Variants in MPZL2 observed in about 807,000 individuals in gnomAD.
The protein encoded by MPZL2 is myelin protein zero-like protein 2.
Under a neutral mutation model 24.5 loss-of-function variants are expected in MPZL2, and 32 were observed. The ratio of observed to expected loss-of-function variants is 1.31; its 90% CI spans 0.99 to 1.76. MPZL2 has a LOEUF of 1.76. Among genes scored for constraint, MPZL2 ranks in the 40% most tolerant of loss-of-function variants. MPZL2 has a pLI of 0.00. For synonymous variants in MPZL2, 92 were observed against 97.9 expected (o/e 0.94, Z 0.36); for missense variants, 304 against 274.9 (o/e 1.11, Z -0.75).
Position 118,263,103 on chromosome 11 carries a change from A to G in MPZL2, c.59-6T>C, listed in dbSNP as rs368490567. The G allele has an allele frequency of 5.0e-6, 8 of 1,611,186 alleles. No homozygotes were observed. The African/African-American group carries it at 9.4e-5, about 19-fold the overall frequency. The stretch of plus-strand genomic sequence containing the variant: ...AGCTGCTATAGGCCAAAGAGCTGCA[A>G]TGAAAAAGAAGAAAAAGAAGGGTTA... On this transcript the variant is annotated splice_polypyrimidine_tract_variant and splice_region_variant and intron_variant, in intron 1 of 5. Coordinates refer to ENST00000278937, the MANE Select transcript of MPZL2 (RefSeq NM_005797.4).
At position 118,260,209 on chromosome 11, in the gene MPZL2, G is replaced by A. The variant is rs1949690949; in HGVS notation, c.437-8C>T. 6.2e-7 allele frequency: 1 copy of A among 1,608,442 alleles called. No individual in the cohort carries two copies. The highest frequency in any genetic ancestry group is 1.3e-5 in the African/African-American group (1 of 74,492). ...GGATCTCAGAGAAGCGTACTGTAAG[G>A]AGAAAAAGATTAAATTAGGATTCTA... On this transcript the variant is annotated splice_region_variant and splice_polypyrimidine_tract_variant and intron_variant, in intron 3 of 5. Coordinates refer to ENST00000278937, the MANE Select transcript of MPZL2 (RefSeq NM_005797.4).
At chr11:118,258,008 C>T (rs1591504217) in intron 4 of MPZL2, among the ~76,000 whole-genome samples, 1 of 144,852 alleles carries the variant, frequency 6.9e-6, no homozygotes, top group African/African-American at 2.7e-5. Flanking sequence ...GAAAGTCTGT[C>T]TCAAAAAAAA....
intron 5 of MPZL2, among the ~76,000 whole-genome samples, chr11:118,255,852 T>A (rs531281456): frequency 6.6e-6 from 1 of 152,170 alleles, no homozygotes; most frequent in Non-Finnish European, 1.5e-5. Flanking sequence ...ACTTTCCCAA[T>A]TGCCCCTCCA....
chr11:118,258,132 C>G (rs374785943), intron 4 of MPZL2, among the ~76,000 whole-genome samples: 2 of 151,742 alleles, frequency 1.3e-5, no homozygotes, highest in African/African-American at 2.4e-5. Flanking sequence ...CAGCCATATA[C>G]GAAAACGAAC....
chr11:118,259,067 A>G (rs1949681413), intron 4 of MPZL2, among the ~76,000 whole-genome samples: 1 of 152,036 alleles, frequency 6.6e-6, no homozygotes, highest in South Asian at 2.1e-4. Context: ...CAGAACCCTC[A>G]TATATTGCTG....
chr11:118,261,256 A>C (rs1032539621), intron 3 of MPZL2, among the ~76,000 whole-genome samples: 5 of 152,222 alleles, frequency 3.3e-5, no homozygotes, highest in Non-Finnish European at 7.3e-5. Context: ...AAATGGTTTT[A>C]AACTGTACTA....
intron 4 of MPZL2, 106 bp downstream of exon 4, chr11:118,259,948 T>C: frequency 7.6e-7 from 1 of 1,315,046 alleles, no homozygotes; most frequent in Non-Finnish European, 1.0e-6. Flanking sequence ...TTATATAGGA[T>C]TTACTTAAAG....
intron 4 of MPZL2, 189 bp downstream of exon 4, chr11:118,259,865 T>G (rs1949687446): frequency 1.7e-6 from 1 of 594,164 alleles, no homozygotes; most frequent in Admixed American, 3.3e-5. Context: ...GGAAATATTT[T>G]GTAAAATTAA....
intron 4 of MPZL2, among the ~76,000 whole-genome samples, chr11:118,259,002 C>T (rs546057568): frequency 1.2e-3 from 100 of 85,752 alleles, no homozygotes; most frequent in African/African-American, 4.9e-3. Flanking sequence ...GCCTAATACA[C>T]GGTTATGATT....
intron 4 of MPZL2, among the ~76,000 whole-genome samples, chr11:118,258,748 AC>A (rs746639723): frequency 1.2e-4 from 18 of 152,138 alleles, no homozygotes; most frequent in Non-Finnish European, 2.4e-4. Context: ...GTGAGTTCTC[AC>A]AAAATCTGGT....
chr11:118,259,260 A>T (rs949719969), intron 4 of MPZL2: 2 of 152,188 alleles, frequency 1.3e-5, no homozygotes, highest in Non-Finnish European at 2.9e-5. Flanking sequence ...AAGCAGAAAA[A>T]ACCTAAATGC....
chr11:118,264,018 A>G, intron 1 of MPZL2, 78 bp downstream of exon 1: 1 of 1,465,146 alleles, frequency 6.8e-7, no homozygotes, highest in Non-Finnish European at 9.5e-7. Flanking sequence ...AAAGTCTTGC[A>G]ACTTCTAAGA....
intron 5 of MPZL2, among the ~76,000 whole-genome samples, chr11:118,255,915 C>T (rs918215381): frequency 6.6e-6 from 1 of 152,160 alleles, no homozygotes; most frequent in African/African-American, 2.4e-5. Context: ...AGTTGGGGAT[C>T]ACACATTGCA....
At position 118,263,309 on chromosome 11, in the gene MPZL2, C is replaced by A. The variant is rs538627493; in HGVS notation, c.59-212G>T. On this transcript the variant is annotated intron_variant, in intron 1 of 5. Coordinates refer to ENST00000278937, the MANE Select transcript of MPZL2 (RefSeq NM_005797.4). ...ATTCCATGTGACAACTAAACTACCACACAGCAAGCCTTCGCAGTGCTTTTA... is the reference window on the plus strand; with the variant it reads ...ATTCCATGTGACAACTAAACTACCAAACAGCAAGCCTTCGCAGTGCTTTTA... 7.7e-6 allele frequency: 4 copies of A among 519,550 alleles called. No individual in the cohort carries two copies. The East Asian group carries it at 1.3e-4, about 17-fold the overall frequency. 32.2% of individuals were successfully genotyped at this position (519,550 alleles called of 1,614,324 possible).
chr11:118,254,842 T>G lies in MPZL2; in HGVS notation c.*404A>C, dbSNP rs1338781127. Reference sequence around the variant, plus strand: ...GGAAAGAGAGTAAACACATTAACTTTAGTAGCAGAAGTGCTGCTAAAAGAA... The same window carrying G: ...GGAAAGAGAGTAAACACATTAACTTGAGTAGCAGAAGTGCTGCTAAAAGAA... On this transcript the variant is annotated 3_prime_UTR_variant, in exon 6 of 6. Coordinates refer to ENST00000278937, the MANE Select transcript of MPZL2 (RefSeq NM_005797.4). 2 of 152,218 alleles carry G rather than the reference T, an allele frequency of 1.3e-5. No homozygotes were observed. Among genetic ancestry groups the G allele is most frequent in the Non-Finnish European group, 2.9e-5 (2 of 68,038 alleles). The allele number at this position is 152,218 out of a possible 1,614,324, so 9.4% of individuals were successfully genotyped here.
intron 5 of MPZL2, 89 bp from the exon 6 acceptor site, chr11:118,255,322 T>C (rs1271227075): frequency 6.6e-6 from 1 of 152,216 alleles, no homozygotes; most frequent in Non-Finnish European, 1.5e-5. Context: ...ATATATGTTA[T>C]TAGAAGGAAA....
intron 1 of MPZL2, 121 bp from the exon 2 acceptor site, chr11:118,263,218 C>A: frequency 9.6e-7 from 1 of 1,046,302 alleles, no homozygotes; most frequent in East Asian, 2.4e-5. Flanking sequence ...CTGAGATGCC[C>A]CATCTCCCAA....
chr11:118,259,898 G>C, intron 4 of MPZL2, 156 bp downstream of exon 4: 1 of 813,978 alleles, frequency 1.2e-6, no homozygotes, highest in Non-Finnish European at 1.9e-6. Flanking sequence ...AAAGTTACTA[G>C]TTCATACCTG....
intron 5 of MPZL2, among the ~76,000 whole-genome samples, chr11:118,255,561 G>T (rs1475543562): frequency 6.6e-6 from 1 of 152,018 alleles, no homozygotes; most frequent in Non-Finnish European, 1.5e-5. Context: ...GTAGAGAACA[G>T]AGTATGTGGA....
Sources: allele counts gnomAD v4.1 joint callset (sites outside exome capture counted in the v4.1 genomes callset), GRCh38; gene constraint gnomAD v4.1.1; transcripts MANE v1.5; gene names NCBI Gene and HGNC (gene_info 2026-07-23, HGNC 2026-07-21).